Variants in FHIT observed in about 807,000 individuals in gnomAD.
FHIT encodes fragile histidine triad diadenosine triphosphatase.
FHIT carries 19 observed loss-of-function variants against 17.9 expected under a neutral mutation model. The ratio of observed to expected loss-of-function variants is 1.06; its 90% CI spans 0.74 to 1.56. FHIT has a LOEUF of 1.56. Ranked by LOEUF, FHIT falls within the 40% of genes most tolerant of loss-of-function variation. The pLI, the probability that FHIT is intolerant of heterozygous loss-of-function variation, is 0.00. For synonymous variants in FHIT, 81 were observed against 69.7 expected, an observed-to-expected ratio of 1.16 and a Z score of -0.81; for missense variants, 248 against 189.2, an observed-to-expected ratio of 1.31 and a Z score of -1.82.
chr3:60,780,608 G>C (rs1462161072), intron 4 of FHIT, among the ~76,000 whole-genome samples: 1 of 152,078 alleles, frequency 6.6e-6, no homozygotes, highest in Non-Finnish European at 1.5e-5. Flanking sequence ...CTCTGACAAT[G>C]GCCCTTTCTG....
intron 8 of FHIT, among the ~76,000 whole-genome samples, chr3:59,856,033 G>C (rs947702110): frequency 6.6e-6 from 1 of 151,944 alleles, no homozygotes; most frequent in Non-Finnish European, 1.5e-5. Flanking sequence ...CACCCGCCTC[G>C]GCCTCCCAAA....
chr3:60,147,881 G>A (rs1228114346), intron 5 of FHIT, among the ~76,000 whole-genome samples: 1 of 152,122 alleles, frequency 6.6e-6, no homozygotes, highest in South Asian at 2.1e-4. Context: ...CTTTCACCAT[G>A]GGACTCAAGT....
At position 61,247,067 on chromosome 3, in the gene FHIT, C is replaced by T. The variant is rs774078405; in HGVS notation, c.-213+4234G>A. 6.0e-4 allele frequency among the ~76,000 whole-genome samples: 91 copies of T among 151,468 alleles called. 1 individual carries two copies. The highest frequency in any genetic ancestry group is 1.1e-3 in the Non-Finnish European group (77 of 67,850). On this transcript the variant is annotated intron_variant, in intron 1 of 9. Transcript: ENST00000492590. ...CTTCCCTGCCGAGAATATACCCTCA[C>T]TCACCCCATCAGTGCCTCCCTACCA...
intron 3 of FHIT, among the ~76,000 whole-genome samples, chr3:60,892,853 A>T (rs1289222202): frequency 2.0e-5 from 3 of 152,246 alleles, no homozygotes; most frequent in Non-Finnish European, 4.4e-5. Flanking sequence ...ACATAACTAC[A>T]AAATACAACT....
At chr3:60,506,879 G>C (rs1283651340) in intron 5 of FHIT, among the ~76,000 whole-genome samples, 2 of 152,104 alleles carry the variant, frequency 1.3e-5, no homozygotes, top group African/African-American at 4.8e-5. Context: ...CAAGATTCCA[G>C]GTTGTTGCCC....
At chr3:60,731,369 G>A (rs1168388803) in intron 4 of FHIT, among the ~76,000 whole-genome samples, 2 of 152,154 alleles carry the variant, frequency 1.3e-5, no homozygotes, top group African/African-American at 2.4e-5. Context: ...AAGCTTTAGA[G>A]CTGGAATGAA....
At chr3:60,463,834 T>C (rs905509368) in intron 5 of FHIT, among the ~76,000 whole-genome samples, 1 of 152,216 alleles carries the variant, frequency 6.6e-6, no homozygotes, top group Non-Finnish European at 1.5e-5. Context: ...TACCCTGTTG[T>C]GGTAAGATTA....
intron 3 of FHIT, among the ~76,000 whole-genome samples, chr3:61,021,728 T>C (rs1459239193): frequency 6.6e-6 from 1 of 151,234 alleles, no homozygotes; most frequent in Non-Finnish European, 1.5e-5. Flanking sequence ...AACTGAACAA[T>C]GGGCTCCTGA....
At chr3:60,386,497 T>C (rs1267193678) in intron 5 of FHIT, among the ~76,000 whole-genome samples, 1 of 152,192 alleles carries the variant, frequency 6.6e-6, no homozygotes, top group African/African-American at 2.4e-5. Flanking sequence ...ACTCTTGTCA[T>C]TGTTTCAATA....
intron 4 of FHIT, among the ~76,000 whole-genome samples, chr3:60,563,178 A>G (rs1189005499): frequency 1.3e-5 from 2 of 152,278 alleles, no homozygotes; most frequent in East Asian, 1.9e-4. Context: ...GGCGAGCCCG[A>G]TGGGAAGCGG....
At chr3:59,970,088 G>C (rs1342367758) in intron 7 of FHIT, among the ~76,000 whole-genome samples, 1 of 151,858 alleles carries the variant, frequency 6.6e-6, no homozygotes, top group East Asian at 1.9e-4. Flanking sequence ...TTTAACCATA[G>C]TTCCCAGCTA....
intron 8 of FHIT, among the ~76,000 whole-genome samples, chr3:59,912,766 T>G (rs1469669841): frequency 6.6e-6 from 1 of 152,186 alleles, no homozygotes; most frequent in Non-Finnish European, 1.5e-5. Context: ...ACCACTAATG[T>G]AAGAAGGATT....
Position 59,952,141 on chromosome 3 carries a change from A to G in FHIT, c.280-29727T>C, listed in dbSNP as rs1707147235. 1.3e-5 allele frequency among the ~76,000 whole-genome samples: 2 copies of G among 152,166 alleles called. 1 individual carries two copies. Among genetic ancestry groups the G allele is most frequent in the African/African-American group, 4.8e-5 (2 of 41,516 alleles). Reference sequence around the variant, plus strand: ...TATCCAGTCAATTTCACTACCTTCTACTTTAGCTACTTAGTCTTGCGGATG... The same window carrying G: ...TATCCAGTCAATTTCACTACCTTCTGCTTTAGCTACTTAGTCTTGCGGATG... On this transcript the variant is annotated intron_variant, in intron 7 of 9. Coordinates refer to ENST00000492590, the MANE Select transcript of FHIT (RefSeq NM_002012.4).
intron 5 of FHIT, among the ~76,000 whole-genome samples, chr3:60,067,568 T>A (rs1484712299): frequency 6.6e-6 from 1 of 152,184 alleles, no homozygotes; most frequent in East Asian, 1.9e-4. Context: ...AGCCCACAGG[T>A]ACTATCTGGC....
chr3:60,280,214 A>T (rs950579859), intron 5 of FHIT, among the ~76,000 whole-genome samples: 1 of 152,118 alleles, frequency 6.6e-6, no homozygotes, highest in Non-Finnish European at 1.5e-5. Context: ...AATAGATGAA[A>T]CTTCGTCAAC....
At chr3:60,447,743 G>A (rs1487046383) in intron 5 of FHIT, among the ~76,000 whole-genome samples, 1 of 152,126 alleles carries the variant, frequency 6.6e-6, no homozygotes, top group Non-Finnish European at 1.5e-5. Flanking sequence ...TACCACTCCT[G>A]CAGCTGCCAG....
chr3:60,416,294 C>A (rs1348715932), intron 5 of FHIT, among the ~76,000 whole-genome samples: 1 of 151,918 alleles, frequency 6.6e-6, no homozygotes, highest in Non-Finnish European at 1.5e-5. Flanking sequence ...TTGATACAAC[C>A]AATAAAAGGG....
At chr3:60,579,397 A>T (rs868936173) in intron 4 of FHIT, among the ~76,000 whole-genome samples, 1 of 152,166 alleles carries the variant, frequency 6.6e-6, no homozygotes. Context: ...CCTCAGTTGT[A>T]TGTGTACTCT....
At chr3:60,106,951 CTTTT>C (rs1025143706) in intron 5 of FHIT, among the ~76,000 whole-genome samples, 5 of 151,898 alleles carry the variant, frequency 3.3e-5, no homozygotes, top group Admixed American at 1.3e-4. Context: ...GGAAACGAAA[CTTTT>C]TTATTGTAAG....
Sources: allele counts gnomAD v4.1 joint callset (sites outside exome capture counted in the v4.1 genomes callset), GRCh38; gene constraint gnomAD v4.1.1; transcripts MANE v1.5; gene names NCBI Gene and HGNC (gene_info 2026-07-23, HGNC 2026-07-21).